The following DOCK1 variants were observed in gnomAD, a reference collection of about 807,000 sequenced individuals.
The protein encoded by DOCK1 is dedicator of cytokinesis protein 1.
A neutral mutation model predicts 262.7 loss-of-function variants in DOCK1; 138 were observed. That is an observed-to-expected ratio of 0.53 (90% CI 0.46 to 0.61). DOCK1 has a LOEUF of 0.61. DOCK1 is among the 20% of genes least tolerant of loss of function. DOCK1 has a pLI of 0.00. For synonymous variants in DOCK1, 866 were observed against 867.4 expected (o/e 1.00, Z 0.03); for missense variants, 1,908 against 2,370.7 (o/e 0.80, Z 4.05).
chr10:126,957,470 A>G (rs2036842423), intron 1 of DOCK1, among the ~76,000 whole-genome samples: 1 of 152,120 alleles, frequency 6.6e-6, no homozygotes, highest in Non-Finnish European at 1.5e-5. Flanking sequence ...ATCCAGCCTT[A>G]TTTATTTATT....
chr10:126,981,877 T>C (rs1191904130), intron 3 of DOCK1, 41 bp from the exon 4 acceptor site: 1 of 1,592,054 alleles, frequency 6.3e-7, no homozygotes, highest in African/African-American at 1.4e-5. Flanking sequence ...TCAGCAATCC[T>C]ATTGATAATA....
intron 47 of DOCK1, among the ~76,000 whole-genome samples, chr10:127,427,358 C>T (rs539498820): frequency 6.6e-6 from 1 of 152,316 alleles, no homozygotes; most frequent in South Asian, 2.1e-4. Context: ...GCCTGTCCAC[C>T]AGTCCCTGAA....
At chr10:126,961,233 A>T (rs991311266) in intron 1 of DOCK1, among the ~76,000 whole-genome samples, 1 of 152,140 alleles carries the variant, frequency 6.6e-6, no homozygotes, top group East Asian at 1.9e-4. Context: ...TTCTGTTCCT[A>T]AGAAAGATAT....
At chr10:127,281,609 T>G (rs1027311750) in intron 29 of DOCK1, among the ~76,000 whole-genome samples, 2 of 152,166 alleles carry the variant, frequency 1.3e-5, no homozygotes, top group African/African-American at 4.8e-5. Flanking sequence ...GAGATGAGGT[T>G]CCTCCTTGCC....
At chr10:127,451,211 C>A in intron 51 of DOCK1, 121 bp from the exon 52 acceptor site, 1 of 1,129,292 alleles carries the variant, frequency 8.9e-7, no homozygotes, top group South Asian at 1.4e-5. Flanking sequence ...TGGAGCCCAA[C>A]TCATGTGGGG....
Position 127,000,216 on chromosome 10 carries a change from C to T in DOCK1, c.894C>T (p.Val298=), listed in dbSNP as rs1317024156. 2 of 1,614,016 alleles carry T rather than the reference C, an allele frequency of 1.2e-6. No individual in the cohort carries two copies. The highest frequency in any genetic ancestry group is 1.6e-4 in the Middle Eastern group (1 of 6,062). ...KDLKREKISF[V]CQIVRVGRME... Reference sequence around the variant, plus strand: ...TGAAAAGGGAGAAAATCAGTTTTGTCTGTCAGATTGTTCGCGTGGGTCGCA... The same window carrying T: ...TGAAAAGGGAGAAAATCAGTTTTGTTTGTCAGATTGTTCGCGTGGGTCGCA... Residue 298 remains valine (V), a synonymous_variant, in exon 10 of 52, where the codon GTC becomes GTT. Transcript: ENST00000623213.
chr10:126,967,825 T>A (rs1243707204), intron 1 of DOCK1, among the ~76,000 whole-genome samples: 20 of 152,202 alleles, frequency 1.3e-4, no homozygotes, highest in Admixed American at 1.1e-3. Context: ...TTTTTCTTTT[T>A]GTTTTTGAGA....
chr10:127,151,146 C>T (rs1457257156), intron 27 of DOCK1, among the ~76,000 whole-genome samples: 2 of 152,170 alleles, frequency 1.3e-5, no homozygotes, highest in Non-Finnish European at 2.9e-5. Context: ...AACATAATAA[C>T]CACCTTAAGA....
At chr10:126,949,246 CCTG>C (rs1450694282) in intron 1 of DOCK1, among the ~76,000 whole-genome samples, 1 of 152,092 alleles carries the variant, frequency 6.6e-6, no homozygotes, top group Non-Finnish European at 1.5e-5. Context: ...CTCCTGCTCT[CCTG>C]CAGCCCTCTC....
intron 1 of DOCK1, among the ~76,000 whole-genome samples, chr10:126,966,272 A>G (rs1223861151): frequency 1.3e-5 from 2 of 152,112 alleles, no homozygotes; most frequent in South Asian, 4.2e-4. Flanking sequence ...TTGTTGTTGG[A>G]CGCCTATGTT....
At chr10:127,214,451 ATG>A (rs1300672859) in intron 27 of DOCK1, among the ~76,000 whole-genome samples, 2 of 152,160 alleles carry the variant, frequency 1.3e-5, no homozygotes, top group Non-Finnish European at 2.9e-5. Flanking sequence ...ATATTTTTCC[ATG>A]ACATGCTTTT....
At chr10:127,376,115 G>A (rs1047213487) in intron 35 of DOCK1, among the ~76,000 whole-genome samples, 4 of 151,672 alleles carry the variant, frequency 2.6e-5, no homozygotes, top group African/African-American at 9.7e-5. Context: ...ATACGGCAGA[G>A]GTTTTGAAAT....
At chr10:127,056,381 G>A (rs2045146436) in intron 22 of DOCK1, among the ~76,000 whole-genome samples, 1 of 151,978 alleles carries the variant, frequency 6.6e-6, no homozygotes, top group Non-Finnish European at 1.5e-5. Context: ...ATTTTTTGTA[G>A]GACATGGTCT....
intron 21 of DOCK1, among the ~76,000 whole-genome samples, chr10:127,045,842 C>A (rs1445637749): frequency 6.6e-6 from 1 of 152,198 alleles, no homozygotes; most frequent in Non-Finnish European, 1.5e-5. Context: ...AGGCTCCTCA[C>A]TGGCAACTGA....
intron 1 of DOCK1, among the ~76,000 whole-genome samples, chr10:126,949,259 C>T (rs1384324152): frequency 3.3e-5 from 5 of 152,236 alleles, no homozygotes; most frequent in South Asian, 2.1e-4. Flanking sequence ...GCAGCCCTCT[C>T]CCTGTGGGGA....
chr10:127,200,299 G>T (rs1045119720), intron 27 of DOCK1, among the ~76,000 whole-genome samples: 1 of 152,190 alleles, frequency 6.6e-6, no homozygotes, highest in African/African-American at 2.4e-5. Context: ...GGAGGAATGC[G>T]TCCAGCCTAG....
intron 1 of DOCK1, among the ~76,000 whole-genome samples, chr10:126,953,509 T>C (rs2036498424): frequency 6.6e-6 from 1 of 151,744 alleles, no homozygotes; most frequent in Non-Finnish European, 1.5e-5. Flanking sequence ...GTTTTGGTAA[T>C]GTTGGTGGTG....
intron 30 of DOCK1, among the ~76,000 whole-genome samples, chr10:127,340,366 C>T (rs920986652): frequency 1.1e-4 from 16 of 152,182 alleles, no homozygotes; most frequent in Admixed American, 1.3e-4. Context: ...TTCTTTGTCA[C>T]GCTTTCAGCA....
chr10:127,298,232 G>A (rs1413956935), intron 29 of DOCK1, among the ~76,000 whole-genome samples: 1 of 152,158 alleles, frequency 6.6e-6, no homozygotes, highest in Non-Finnish European at 1.5e-5. Context: ...ATGCTAATTA[G>A]TGTCAAAAAT....
Sources: gnomAD v4.1 joint callset for allele counts (sites outside exome capture counted in the v4.1 genomes callset) on GRCh38, gnomAD v4.1.1 for gene constraint, MANE v1.5 for transcripts, NCBI Gene and HGNC (gene_info 2026-07-23, HGNC 2026-07-21) for gene names.